Variants in PARD3 observed in about 807,000 individuals in gnomAD.
The protein encoded by PARD3 is partitioning defective 3 homolog.
Under a neutral mutation model 155.4 loss-of-function variants are expected in PARD3, and 75 were observed. The observed-to-expected ratio is 0.48, with a 90% CI of 0.40 to 0.58. The LOEUF is 0.58. Among genes scored for constraint, PARD3 ranks in the 20% least tolerant of loss-of-function variants. The pLI, the probability that PARD3 is intolerant of heterozygous loss-of-function variation, is 0.00. For synonymous variants in PARD3, 576 were observed against 610.5 expected, an observed-to-expected ratio of 0.94 and a Z score of 0.83; for missense variants, 1,642 against 1,721.7, an observed-to-expected ratio of 0.95 and a Z score of 0.82.
chr10:34,336,218 T>C lies in PARD3; in HGVS notation c.2586A>G (p.Thr862=). The C allele has an allele frequency of 6.2e-7, 1 of 1,612,712 alleles. No individual in the cohort carries two copies. The highest frequency in any genetic ancestry group is 8.5e-7 in the Non-Finnish European group (1 of 1,178,908). The change falls in exon 18 of 25, where the codon ACA becomes ACG. Residue 862 remains threonine (T), a synonymous_variant. Transcript: ENST00000374788. ...TCTTACCTGCTTTCTGGTCATCCAC[T>C]GTATTGAGTTTAGTCTCGTCAGCTA... ...LGIADETKLN[T]VDDQKAGSPS...
intron 2 of PARD3, among the ~76,000 whole-genome samples, chr10:34,519,825 CAT>C (rs1047320997): frequency 1.3e-5 from 1 of 79,038 alleles, no homozygotes; most frequent in Non-Finnish European, 2.8e-5. Context: ...AAATAAATAA[CAT>C]AACATAACAT....
intron 3 of PARD3, among the ~76,000 whole-genome samples, chr10:34,493,443 T>A (rs2133345693): frequency 1.3e-5 from 2 of 152,228 alleles, no homozygotes; most frequent in Middle Eastern, 6.8e-3. Context: ...TTAAAAATTA[T>A]AATACAGGCC....
chr10:34,140,258 GA>G (rs950762658), intron 22 of PARD3, among the ~76,000 whole-genome samples: 1 of 152,118 alleles, frequency 6.6e-6, no homozygotes, highest in Non-Finnish European at 1.5e-5. Context: ...TCTTCTTGGA[GA>G]AAAAACCTTT....
chr10:34,313,167 T>A (rs1417008639), intron 20 of PARD3, among the ~76,000 whole-genome samples: 2 of 152,204 alleles, frequency 1.3e-5, no homozygotes, highest in East Asian at 3.9e-4. Flanking sequence ...CAGTATTAAA[T>A]TTGAATAGCC....
intron 2 of PARD3, among the ~76,000 whole-genome samples, chr10:34,642,449 T>C (rs2092708255): frequency 6.6e-6 from 1 of 151,878 alleles, no homozygotes; most frequent in Non-Finnish European, 1.5e-5. Context: ...ACCCTGGCTC[T>C]GCCTCACCAG....
intron 20 of PARD3, among the ~76,000 whole-genome samples, chr10:34,296,098 ATCTC>A (rs1268713313): frequency 6.6e-6 from 1 of 152,160 alleles, no homozygotes; most frequent in Non-Finnish European, 1.5e-5. Context: ...CAGTATACTT[ATCTC>A]TCTCTGATTT....
chr10:34,713,213 A>AAAAT (rs1240950017), intron 1 of PARD3, among the ~76,000 whole-genome samples: 269 of 136,276 alleles, frequency 2.0e-3, no homozygotes, highest in Non-Finnish European at 3.5e-3. Flanking sequence ...CTCCATCTCA[A>AAAAT]AAATAAATTA....
chr10:34,143,982 ATTAT>A (rs1230667728), intron 22 of PARD3, among the ~76,000 whole-genome samples: 3 of 152,060 alleles, frequency 2.0e-5, no homozygotes, highest in African/African-American at 7.2e-5. Flanking sequence ...CAACTTGGCC[ATTAT>A]TTATCTGGAG....
chr10:34,398,166 G>C (rs185935762), intron 7 of PARD3, among the ~76,000 whole-genome samples: 3 of 152,214 alleles, frequency 2.0e-5, no homozygotes, highest in Admixed American at 1.3e-4. Flanking sequence ...TACTCCAGCA[G>C]AGTTCTAAGT....
intron 22 of PARD3, among the ~76,000 whole-genome samples, chr10:34,193,798 C>T (rs944964155): frequency 2.6e-5 from 4 of 152,144 alleles, no homozygotes; most frequent in African/African-American, 9.7e-5. Flanking sequence ...CCAGCGTGGG[C>T]CACCCTTTAT....
At chr10:34,238,997 A>G (rs540968647) in intron 22 of PARD3, among the ~76,000 whole-genome samples, 1 of 152,348 alleles carries the variant, frequency 6.6e-6, no homozygotes, top group South Asian at 2.1e-4. Flanking sequence ...GAGCACTGAC[A>G]TATTTTAAAA....
chr10:34,795,205 T>A (rs1418025240), intron 1 of PARD3, among the ~76,000 whole-genome samples: 1 of 152,258 alleles, frequency 6.6e-6, no homozygotes, highest in Non-Finnish European at 1.5e-5. Flanking sequence ...AAGTCCCACC[T>A]GAGGGTTGCT....
At chr10:34,441,726 A>T (rs553471023) in intron 5 of PARD3, among the ~76,000 whole-genome samples, 1 of 152,306 alleles carries the variant, frequency 6.6e-6, no homozygotes, top group South Asian at 2.1e-4. Context: ...AAAAGCAGAA[A>T]ATATGTAGGG....
chr10:34,128,659 T>C (rs1474423627), intron 23 of PARD3, among the ~76,000 whole-genome samples: 1 of 152,204 alleles, frequency 6.6e-6, no homozygotes, highest in Non-Finnish European at 1.5e-5. Flanking sequence ...CTCCCATTTT[T>C]TCCTCTTTGC....
intron 3 of PARD3, among the ~76,000 whole-genome samples, chr10:34,508,855 G>A (rs1267033865): frequency 3.3e-5 from 5 of 152,052 alleles, no homozygotes; most frequent in Non-Finnish European, 5.9e-5. Context: ...AGACATGATC[G>A]CGCACACCAT....
At chr10:34,651,034 A>C (rs1268527047) in intron 2 of PARD3, among the ~76,000 whole-genome samples, 3 of 136,864 alleles carry the variant, frequency 2.2e-5, no homozygotes, top group Non-Finnish European at 3.3e-5. Flanking sequence ...AAAAAAAAAA[A>C]AAAAAAAAAA....
intron 2 of PARD3, among the ~76,000 whole-genome samples, chr10:34,642,047 C>T (rs1303214861): frequency 2.0e-5 from 3 of 151,024 alleles, no homozygotes; most frequent in Non-Finnish European, 4.4e-5. Context: ...ACCGGGGGCA[C>T]ATCACCCCTG....
At chr10:34,314,182 T>C (rs1303136650) in intron 20 of PARD3, among the ~76,000 whole-genome samples, 1 of 145,688 alleles carries the variant, frequency 6.9e-6, no homozygotes, top group African/African-American at 2.4e-5. Flanking sequence ...TAGTCCCCTA[T>C]GTTGTTAGGA....
At chr10:34,716,346 G>A (rs192758093) in intron 1 of PARD3, among the ~76,000 whole-genome samples, 226 of 152,268 alleles carry the variant, frequency 1.5e-3, no homozygotes, top group African/African-American at 4.6e-3. Context: ...TAAAGTTTCT[G>A]ATAAAATCCT....
Sources: gnomAD v4.1 joint callset for allele counts (sites outside exome capture counted in the v4.1 genomes callset) on GRCh38, gnomAD v4.1.1 for gene constraint, MANE v1.5 for transcripts, NCBI Gene and HGNC (gene_info 2026-07-23, HGNC 2026-07-21) for gene names.